GALNT15: variants seen among roughly 807,000 people sequenced by gnomAD.
The protein encoded by GALNT15 is UDP-GalNAc transferase T15.
GALNT15 carries 67 observed loss-of-function variants against 66.8 expected under a neutral mutation model. The observed-to-expected ratio is 1.00, with a 90% CI of 0.82 to 1.23. The LOEUF (loss-of-function observed/expected upper bound fraction) is 1.23, where lower values mean the gene tolerates loss of function less well. Ranked by LOEUF, GALNT15 falls within the 50% of genes most tolerant of loss-of-function variation. The pLI, the probability that GALNT15 is intolerant of heterozygous loss-of-function variation, is 0.00. For synonymous variants in GALNT15, 313 were observed against 311.5 expected (o/e 1.00, Z -0.05); for missense variants, 827 against 804.3 (o/e 1.03, Z -0.34).
At chr3:16,246,602 G>A in the GALNT15 span, among the ~76,000 whole-genome samples, 7 of 152,164 alleles carry the variant, frequency 4.6e-5, no homozygotes, top group Non-Finnish European at 7.4e-5. Context: ...GATTACAGGC[G>A]TGAGCCACCG....
downstream of GALNT15, among the ~76,000 whole-genome samples, chr3:16,233,935 A>G (rs1008274775): frequency 1.3e-5 from 2 of 152,182 alleles, no homozygotes; most frequent in African/African-American, 4.8e-5. Context: ...TATGGCCCTC[A>G]TCTTGAGGAG....
At chr3:16,233,740 A>G (rs2064106881), downstream of GALNT15, among the ~76,000 whole-genome samples, 1 of 152,160 alleles carries the variant, frequency 6.6e-6, no homozygotes, top group Non-Finnish European at 1.5e-5. Flanking sequence ...GATGGAGTGA[A>G]CAGCATCAAT....
chr3:16,210,720 A>G (rs1417476240), intron 4 of GALNT15, among the ~76,000 whole-genome samples: 1 of 152,172 alleles, frequency 6.6e-6, no homozygotes, highest in Non-Finnish European at 1.5e-5. Flanking sequence ...GGTGAGAAAA[A>G]GAAAGGAGGA....
intron 6 of GALNT15, among the ~76,000 whole-genome samples, chr3:16,216,566 G>A (rs2063880863): frequency 6.6e-6 from 1 of 152,196 alleles, no homozygotes; most frequent in Admixed American, 6.5e-5. Flanking sequence ...AGGGCCAAGT[G>A]GGGGACTTGA....
Position 16,227,660 on chromosome 3 carries a change from T to C in GALNT15, c.*160T>C. 1 of 1,450,022 alleles carries C rather than the reference T, an allele frequency of 6.9e-7. No individual in the cohort carries two copies. Among genetic ancestry groups the C allele is most frequent in the East Asian group, 2.5e-5 (1 of 39,720 alleles). 89.8% of individuals were successfully genotyped at this position (1,450,022 alleles called of 1,614,324 possible). On this transcript the variant is annotated 3_prime_UTR_variant, in exon 10 of 10. Coordinates refer to ENST00000339732, the MANE Select transcript of GALNT15 (RefSeq NM_054110.5). This position sits in a 1 kb window ranked among gnomAD's most constrained non-coding sequence, Gnocchi z 4.5. The stretch of plus-strand genomic sequence containing the variant: ...TGAAAGAATATAGGAAGTTTCTCCT[T>C]TTCACACCTTATTTCATTGACTGCT...
chr3:16,188,227 G>A lies in GALNT15; in HGVS notation c.540-7533G>A, dbSNP rs906845794. 5.3e-5 allele frequency among the ~76,000 whole-genome samples: 8 copies of A among 152,368 alleles called. No homozygotes were observed. The highest frequency in any genetic ancestry group is 3.9e-4 in the Admixed American group (6 of 15,306). Reference sequence around the variant, plus strand: ...AATCACAGAAGGCAAAGTGTTGCCTGTGGGTGAAGGAAGAGGAATCTTCCC... The same window carrying A: ...AATCACAGAAGGCAAAGTGTTGCCTATGGGTGAAGGAAGAGGAATCTTCCC... On this transcript the variant is annotated intron_variant, in intron 1 of 9. Transcript: ENST00000339732. The surrounding 1 kb of genome is among the most constrained non-coding windows in gnomAD (Gnocchi z 4.6).
In GALNT15 at chr3:16,228,726, AAAG is replaced by A; in HGVS notation, c.*1227_*1229del. ...GAGCAGAAACAGCAACCTTTCTAAA[AAAG>A]CAAACCTTTTTCCTGGGAGGAAAAT... is the stretch of plus-strand genomic sequence containing the variant. On this transcript the variant is annotated 3_prime_UTR_variant, in exon 10 of 10. Coordinates refer to ENST00000339732, the MANE Select transcript of GALNT15 (RefSeq NM_054110.5). 1 of 985,466 alleles carries A rather than the reference AAAG, an allele frequency of 1.0e-6. No individual in the cohort carries two copies. The highest frequency in any genetic ancestry group is 1.2e-6 in the Non-Finnish European group (1 of 829,956). The allele number at this position is 985,466 out of a possible 1,614,324, so 61.0% of individuals were successfully genotyped here.
chr3:16,236,408 CAAT>C (rs1191851106), downstream of GALNT15, among the ~76,000 whole-genome samples: 1 of 152,160 alleles, frequency 6.6e-6, no homozygotes, highest in Non-Finnish European at 1.5e-5. Flanking sequence ...GAGCCATGGA[CAAT>C]AATCAACAAA....
At position 16,195,911 on chromosome 3, in the gene GALNT15, G is replaced by A. The variant is rs199948690; in HGVS notation, c.691G>A (p.Asp231Asn). 3.7e-5 allele frequency: 60 copies of A among 1,613,958 alleles called. No homozygotes were observed. In the East Asian group the frequency reaches 7.1e-4, roughly 19 times the overall value. ...AFLKEIILVD[D>N]LSQQGQLKSA... is the part of the protein sequence containing the mutation. ...CCTGAAGGAGATCATCCTCGTGGAC[G>A]ACCTCAGCCAGCAAGGTAGCCACGG... Residue 231 changes from aspartate (D) to asparagine (N), a missense_variant, in exon 2 of 10, where the codon GAC (aspartate) becomes AAC (asparagine). By Grantham distance (23) the Asp-to-Asn change is conservative. Transcript: ENST00000339732. The surrounding 1 kb of genome is among the most constrained non-coding windows in gnomAD (Gnocchi z 4.6).
At chr3:16,220,037 A>T in intron 8 of GALNT15, 23 bp downstream of exon 8, 1 of 1,562,082 alleles carries the variant, frequency 6.4e-7, no homozygotes, top group Non-Finnish European at 8.8e-7. Flanking sequence ...ACTTCTCAGG[A>T]TGGATGATAG....
At chr3:16,215,916 A>AAACAAAAAAAAAAAAAAACAAAC (rs1019009823) in intron 6 of GALNT15, among the ~76,000 whole-genome samples, 1 of 143,454 alleles carries the variant, frequency 7.0e-6, no homozygotes, top group Non-Finnish European at 1.5e-5. Context: ...CAAAAAAAAA[A>AAACAAAAAAAAAAAAAAACAAAC]AAAAAAAAAG....
Position 16,200,780 on chromosome 3 carries a change from C to T in GALNT15, c.868C>T (p.Pro290Ser). 1 of 1,611,130 alleles carries T rather than the reference C, an allele frequency of 6.2e-7. No individual in the cohort carries two copies. Among genetic ancestry groups the T allele is most frequent in the Non-Finnish European group, 8.5e-7 (1 of 1,178,888 alleles). The change falls in exon 3 of 10, where the codon CCA becomes TCA. Residue 290 changes from proline to serine, a missense_variant. Physicochemically the swap from Pro to Ser is moderately conservative, Grantham distance 74. Coordinates refer to ENST00000339732, the MANE Select transcript of GALNT15 (RefSeq NM_054110.5). This position sits in a 1 kb window ranked among gnomAD's most constrained non-coding sequence, Gnocchi z 4.4. ...CATGGATGCCCACTGCGAGTGCCAC[C>T]CAGGCTGGCTGGAGCCCCTCCTCAG... ...VFMDAHCECH[P>S]GWLEPLLSRI...
intron 6 of GALNT15, among the ~76,000 whole-genome samples, chr3:16,217,376 C>G (rs562341670): frequency 6.6e-6 from 1 of 152,198 alleles, no homozygotes; most frequent in Non-Finnish European, 1.5e-5. Context: ...CCTTTTATTT[C>G]TCTCTCTGTT....
intron 8 of GALNT15, chr3:16,220,282 T>G (rs1057511050): frequency 2.2e-6 from 1 of 462,724 alleles, no homozygotes; most frequent in South Asian, 2.6e-5. Flanking sequence ...AACTTTTCAT[T>G]TGACAGATGA....
chr3:16,226,050 G>GAA (rs34201320), intron 9 of GALNT15, among the ~76,000 whole-genome samples: 2 of 139,758 alleles, frequency 1.4e-5, no homozygotes, highest in African/African-American at 5.3e-5. Context: ...CTCCTTCTTG[G>GAA]AAAAAAAAAA....
chr3:16,219,379 T>C lies in GALNT15; in HGVS notation c.1393-24T>C, dbSNP rs1371074413. 3 of 1,612,388 alleles carry C rather than the reference T, an allele frequency of 1.9e-6. No individual in the cohort carries two copies. The highest frequency in any genetic ancestry group is 1.1e-5 in the South Asian group (1 of 90,758). Reference sequence around the variant, plus strand: ...TGGGCAAGACAAGCTTTCATCATCCTGCTTGTGTCTTTCTCCTCCCCAGGC... The same window carrying C: ...TGGGCAAGACAAGCTTTCATCATCCCGCTTGTGTCTTTCTCCTCCCCAGGC... On this transcript the variant is annotated intron_variant, in intron 6 of 9. Transcript: ENST00000339732. The surrounding 1 kb of genome is among the most constrained non-coding windows in gnomAD (Gnocchi z 4.3).
intron 6 of GALNT15, among the ~76,000 whole-genome samples, chr3:16,217,608 A>G (rs78945225): frequency 0.024 from 3,597 of 152,308 alleles, 198 homozygotes; most frequent in East Asian, 0.18. Context: ...CCCAAAAGAC[A>G]AGGCCAGACT....
In GALNT15 at chr3:16,176,444, A is replaced by G. The variant is rs566267817; in HGVS notation, c.539+754A>G. On this transcript the variant is annotated intron_variant, in intron 1 of 9. Transcript: ENST00000339732. The surrounding 1 kb of genome is among the most constrained non-coding windows in gnomAD (Gnocchi z 5.6). ...CACTCCATGCCACCTGCCTTGGGCC[A>G]CTAGACTAAGGAAACAGGTCCAGTG... Among the ~76,000 whole-genome samples the G allele has an allele frequency of 3.3e-5, 5 of 152,350 alleles. No individual in the cohort carries two copies. The highest frequency in any genetic ancestry group is 9.6e-5 in the African/African-American group (4 of 41,594).
Position 16,183,836 on chromosome 3 carries a change from G to A in GALNT15, c.539+8146G>A, listed in dbSNP as rs2063492738. Among the ~76,000 whole-genome samples the A allele has an allele frequency of 2.6e-5, 4 of 152,012 alleles. No homozygotes were observed. In the South Asian group the frequency reaches 6.2e-4, roughly 24 times the overall value. ...CAGCCAGGCCATCTGGTGCAATGCT[G>A]TGACTCATTCTCTTCAGAGCCATCA... On this transcript the variant is annotated intron_variant, in intron 1 of 9. Transcript: ENST00000339732. This position sits in a 1 kb window ranked among gnomAD's most constrained non-coding sequence, Gnocchi z 5.2.
Sources: gnomAD v4.1 joint callset for allele counts (sites outside exome capture counted in the v4.1 genomes callset) on GRCh38, gnomAD v4.1.1 for gene constraint, Gnocchi (gnomAD v3.1) non-coding constraint, MANE v1.5 for transcripts, NCBI Gene and HGNC (gene_info 2026-07-23, HGNC 2026-07-21) for gene names.